BSPH1: variants seen among roughly 807,000 people sequenced by gnomAD.
BSPH1 encodes the protein binder of sperm 1.
In BSPH1, 21 loss-of-function variants were observed where a neutral mutation model predicts 22.5. The ratio of observed to expected loss-of-function variants is 0.93; its 90% CI spans 0.66 to 1.35. BSPH1 has a LOEUF of 1.35. BSPH1 is among the 40% of genes most tolerant of loss of function. The pLI is 0.00. For missense variants in BSPH1, 141 were observed against 154.2 expected (o/e 0.91, Z 0.45); for synonymous variants, 42 against 53.6 (o/e 0.78, Z 0.95).
At chr19:47,988,937 G>A (rs62131792) in intron 1 of BSPH1, among the ~76,000 whole-genome samples, 25,963 of 151,592 alleles carry the variant, frequency 0.17, 2,771 homozygotes, top group African/African-American at 0.29. Flanking sequence ...CAGGCTAGGC[G>A]TATAGCTGAT....
At position 47,977,474 on chromosome 19, in the gene BSPH1, T is replaced by C; in HGVS notation, c.155A>G (p.Lys52Arg). The change falls in exon 4 of 6, where the codon AAA (lysine) becomes AGA (arginine). Residue 52 changes from lysine to arginine, a missense_variant. Transcript: ENST00000344839. ...DGECVFPFHY[K>R]NGTYYDCIKS... Reference sequence around the variant, plus strand: ...GATGCAGTCATAATATGTTCCATTTTTATAGTGGAATGGAAAGACACACTC... The same window carrying C: ...GATGCAGTCATAATATGTTCCATTTCTATAGTGGAATGGAAAGACACACTC... 1 of 1,551,760 alleles carries C rather than the reference T, an allele frequency of 6.4e-7. No homozygotes were observed. Among genetic ancestry groups the C allele is most frequent in the Non-Finnish European group, 8.7e-7 (1 of 1,146,976 alleles).
chr19:47,973,196 G>A (rs1312711738), intron 5 of BSPH1, among the ~76,000 whole-genome samples: 1 of 148,740 alleles, frequency 6.7e-6, no homozygotes, highest in Non-Finnish European at 1.5e-5. Flanking sequence ...CAGCCTGGGT[G>A]TCAGAGCGAG....
At chr19:47,974,487 C>G (rs184160576) in intron 5 of BSPH1, among the ~76,000 whole-genome samples, 1 of 151,962 alleles carries the variant, frequency 6.6e-6, no homozygotes, top group East Asian at 1.9e-4. Context: ...CTGGCCTGGT[C>G]TCAAACTCCT....
intron 1 of BSPH1, among the ~76,000 whole-genome samples, chr19:47,984,686 G>A (rs764617671): frequency 2.6e-5 from 4 of 152,072 alleles, no homozygotes; most frequent in Non-Finnish European, 5.9e-5. Flanking sequence ...TTATAAGTGG[G>A]AACTAAACAT....
At chr19:47,985,078 AGAAAG>A (rs770881165) in intron 1 of BSPH1, among the ~76,000 whole-genome samples, 6 of 82,784 alleles carry the variant, frequency 7.2e-5, no homozygotes, top group South Asian at 5.2e-4. Context: ...AAAAAAAAAA[AGAAAG>A]AAAAAGAAAA....
intron 5 of BSPH1, among the ~76,000 whole-genome samples, chr19:47,974,266 TCTC>T (rs148079970): frequency 0.073 from 9,120 of 124,434 alleles, 615 homozygotes; most frequent in East Asian, 0.22. Context: ...TCTCTCTCTC[TCTC>T]TTTTTTTTTT....
chr19:47,987,385 CTTTTTTTT>C, intron 1 of BSPH1, among the ~76,000 whole-genome samples: 1 of 137,018 alleles, frequency 7.3e-6, no homozygotes, highest in East Asian at 2.2e-4. Flanking sequence ...TTAGTACTTA[CTTTTTTTT>C]TTTTTTTTTG....
rs1379417145 is a variant in BSPH1 at position 47,984,163 on chromosome 19, A to AAT, written c.74-3224_74-3223dup. The stretch of plus-strand genomic sequence containing the variant: ...TGCCTGGCTTGAAGAAAAAAAAAAA[A>AAT]ATATATATATATATATAATATAAAT... On this transcript the variant is annotated intron_variant, in intron 1 of 5. Transcript: ENST00000344839. Among the ~76,000 whole-genome samples the AAT allele has an allele frequency of 5.2e-3, 709 of 135,854 alleles. 4 individuals are homozygous for AAT. Among genetic ancestry groups the AAT allele is most frequent in the African/African-American group, 0.01 (341 of 33,966 alleles). The allele number at this position is 135,854 out of a possible 152,430, so 89.1% of individuals were successfully genotyped here. A position where few individuals can be genotyped will look rare whatever the true frequency, so the allele number is the denominator to read the frequency against.
chr19:47,978,001 G>GAGATAT (rs376259844), intron 3 of BSPH1, among the ~76,000 whole-genome samples: 4 of 110,458 alleles, frequency 3.6e-5, no homozygotes, highest in Non-Finnish European at 7.5e-5. Flanking sequence ...GTTAATACAG[G>GAGATAT]ATATATATAT....
intron 1 of BSPH1, among the ~76,000 whole-genome samples, chr19:47,988,973 G>A (rs1490774910): frequency 6.6e-6 from 1 of 151,950 alleles, no homozygotes; most frequent in Non-Finnish European, 1.5e-5. Context: ...CACATGGTCT[G>A]TTTCCTCTTC....
chr19:47,978,026 A>AGT (rs1298942069), intron 3 of BSPH1, among the ~76,000 whole-genome samples: 2 of 145,930 alleles, frequency 1.4e-5, no homozygotes, highest in Non-Finnish European at 3.0e-5. Flanking sequence ...ATATATATAT[A>AGT]TATAGTTATA....
At chr19:47,976,675 A>T in intron 5 of BSPH1, 35 bp downstream of exon 5, 3 of 1,536,258 alleles carry the variant, frequency 2.0e-6, no homozygotes, top group South Asian at 2.4e-5. Context: ...GAGAATGATT[A>T]AACGTCTTCA....
chr19:47,981,581 T>C (rs1366252), intron 1 of BSPH1, among the ~76,000 whole-genome samples: 104,090 of 152,110 alleles, frequency 0.68, 36,108 homozygotes, highest in African/African-American at 0.79. Context: ...CAATTCAATT[T>C]GAATCCCCCC....
rs566844795 is a variant in BSPH1, at chr19:47,985,021, C to T, written c.74-4080G>A. Among the ~76,000 whole-genome samples the T allele has an allele frequency of 3.2e-4, 47 of 147,104 alleles. No homozygotes were observed. The South Asian group carries it at 7.2e-3, about 23-fold the overall frequency. ...GGCAGAGGTTGCAGTGAGCCAAGAT[C>T]GCACCACTGCACTCCAGTCTGGGCA... On this transcript the variant is annotated intron_variant, in intron 1 of 5. Coordinates refer to ENST00000344839, the MANE Select transcript of BSPH1 (RefSeq NM_001128326.2).
At chr19:47,969,466 G>A (rs11669552) in intron 5 of BSPH1, among the ~76,000 whole-genome samples, 66,331 of 151,970 alleles carry the variant, frequency 0.44, 16,021 homozygotes, top group Middle Eastern at 0.55. Flanking sequence ...ATGTATGGGG[G>A]ATATTCAAGT....
At chr19:47,988,111 T>C (rs1217055617) in intron 1 of BSPH1, among the ~76,000 whole-genome samples, 4 of 152,172 alleles carry the variant, frequency 2.6e-5, no homozygotes, top group African/African-American at 7.2e-5. Flanking sequence ...GAGGACATTA[T>C]GCTAAGTGAA....
At chr19:47,990,118 C>CAAAAAAAAA (rs11329791) in intron 1 of BSPH1, among the ~76,000 whole-genome samples, 3 of 99,684 alleles carry the variant, frequency 3.0e-5, no homozygotes, top group East Asian at 3.7e-4. Context: ...GACTCCATCT[C>CAAAAAAAAA]AAAAAAAAAA....
intron 1 of BSPH1, chr19:47,981,806 A>G (rs1969422885): frequency 2.2e-6 from 2 of 902,224 alleles, no homozygotes; most frequent in South Asian, 5.1e-5. Context: ...TTTTTCAACC[A>G]TTGTTCCTTC....
At chr19:47,976,613 C>CAAAA in intron 5 of BSPH1, 97 bp downstream of exon 5, 4 of 630,848 alleles carry the variant, frequency 6.3e-6, no homozygotes, top group Non-Finnish European at 5.1e-6. Flanking sequence ...AAAACCCTCT[C>CAAAA]TAATGAGAAA....
Sources: gnomAD v4.1 joint callset for allele counts (sites outside exome capture counted in the v4.1 genomes callset) on GRCh38, gnomAD v4.1.1 for gene constraint, MANE v1.5 for transcripts, NCBI Gene and HGNC (gene_info 2026-07-23, HGNC 2026-07-21) for gene names.